TLN2: variants seen among roughly 807,000 people sequenced by gnomAD.
TLN2 encodes talin 2, also known as talin-2.
In TLN2, 118 loss-of-function variants were observed where a neutral mutation model predicts 294.7. That is an observed-to-expected ratio of 0.40 (90% CI 0.34 to 0.47). The LOEUF (loss-of-function observed/expected upper bound fraction) is 0.47. Ranked by LOEUF, TLN2 falls within the 20% of genes least tolerant of loss-of-function variation. TLN2 has a pLI of 0.84. For missense variants in TLN2, 3,083 were observed against 3,282.2 expected (o/e 0.94, Z 1.48); for synonymous variants, 1,431 against 1,304.5 (o/e 1.10, Z -2.09).
In TLN2 at chr15:62,835,782, C is replaced by A. The variant is rs1202203084; in HGVS notation, c.7174C>A (p.Gln2392Lys). 6.2e-7 allele frequency: 1 copy of A among 1,614,204 alleles called. No individual in the cohort carries two copies. Among genetic ancestry groups the A allele is most frequent in the East Asian group, 2.2e-5 (1 of 44,880 alleles). ...TGCTGCAGACGACGGACAGTGGTCA[C>A]AGGGGCTGATTTCTGCTGTGAGTTG... The part of the protein sequence containing the change: ...ANAADDGQWS[Q>K]GLISAARMVA... The change falls in exon 56 of 59, where the codon CAG becomes AAG. Residue 2392 changes from glutamine to lysine, a missense_variant. Gln to Lys is a moderately conservative substitution (Grantham distance 53). Coordinates refer to ENST00000636159, the MANE Select transcript of TLN2 (RefSeq NM_015059.3).
At chr15:62,415,847 G>C (rs2034048863) in intron 1 of TLN2, among the ~76,000 whole-genome samples, 2 of 152,346 alleles carry the variant, frequency 1.3e-5, no homozygotes, top group Non-Finnish European at 1.5e-5. Context: ...GGAGTTGTGG[G>C]GGGTAGCCCT....
intron 1 of TLN2, among the ~76,000 whole-genome samples, chr15:62,460,882 G>A (rs1489505235): frequency 6.6e-6 from 1 of 152,002 alleles, no homozygotes; most frequent in African/African-American, 2.4e-5. Context: ...TACCCCTGCT[G>A]GTGCACCGCC....
rs146710168 is a variant in TLN2, at chr15:62,805,530, T to A, written c.6478-70T>A. ...TTTTCAGACACAAGCTACAGCCTGG[T>A]TGGAGAAGAATAAATTATTTTTTTC... On this transcript the variant is annotated intron_variant, in intron 50 of 58. Coordinates refer to ENST00000636159, the MANE Select transcript of TLN2 (RefSeq NM_015059.3). 6,798 of 1,459,080 alleles carry A rather than the reference T, an allele frequency of 4.7e-3. 27 individuals are homozygous for A. The highest frequency in any genetic ancestry group is 5.5e-3 in the Non-Finnish European group (5,976 of 1,095,170). The allele number at this position is 1,459,080 out of a possible 1,614,324, so 90.4% of individuals were successfully genotyped here.
At chr15:62,753,305 C>T (rs1185414947) in intron 35 of TLN2, among the ~76,000 whole-genome samples, 3 of 152,230 alleles carry the variant, frequency 2.0e-5, no homozygotes, top group South Asian at 2.1e-4. Flanking sequence ...CGGTAAGCTA[C>T]GAGATGAGGA....
Position 62,783,970 on chromosome 15 carries a change from T to A in TLN2, c.5736+80T>A, listed in dbSNP as rs766497454. 3.1e-6 allele frequency: 5 copies of A among 1,588,670 alleles called. No homozygotes were observed. The East Asian group carries it at 1.1e-4, about 36-fold the overall frequency. ...CCTGGGTATTTCTTCATAGCTTAGC[T>A]CCACTCTGGAAGACCCCAGCCCAGT... On this transcript the variant is annotated intron_variant, in intron 45 of 58. Transcript: ENST00000636159.
chr15:62,822,576 T>C (rs966075979), intron 54 of TLN2, among the ~76,000 whole-genome samples: 3 of 152,204 alleles, frequency 2.0e-5, no homozygotes, highest in Middle Eastern at 3.2e-3. Flanking sequence ...GAGGGCTATG[T>C]ATGGCCCTGG....
intron 11 of TLN2, chr15:62,683,929 AC>A (rs1375647364): frequency 6.6e-6 from 1 of 152,232 alleles, no homozygotes; most frequent in African/African-American, 2.4e-5. Flanking sequence ...AGGTCTCTGC[AC>A]CGGGGAAGAC....
chr15:62,574,754 G>A (rs1567125003), intron 1 of TLN2, among the ~76,000 whole-genome samples: 1 of 151,960 alleles, frequency 6.6e-6, no homozygotes, highest in Non-Finnish European at 1.5e-5. Flanking sequence ...CATCAACACT[G>A]TATTATATGT....
intron 58 of TLN2, among the ~76,000 whole-genome samples, chr15:62,839,736 T>C (rs1170966263): frequency 6.6e-6 from 1 of 152,244 alleles, no homozygotes; most frequent in African/African-American, 2.4e-5. Flanking sequence ...GCCCTGTGTT[T>C]GGCTATGCAC....
At position 62,716,571 on chromosome 15, in the gene TLN2, T is replaced by C. The variant is rs570370843; in HGVS notation, c.2763+112T>C. The C allele has an allele frequency of 1.9e-5, 26 of 1,370,964 alleles. No individual in the cohort carries two copies. In the South Asian group the frequency reaches 4.4e-4, roughly 23 times the overall value. 84.9% of individuals were successfully genotyped at this position (1,370,964 alleles called of 1,614,324 possible). ...CAATATAAAGAAAGCCAAGTCAAGG[T>C]TCACATCATTGTTTGAAGGTTTGAG... On this transcript the variant is annotated intron_variant, in intron 23 of 58. Coordinates refer to ENST00000636159, the MANE Select transcript of TLN2 (RefSeq NM_015059.3).
chr15:62,840,914 G>C lies in TLN2; in HGVS notation c.*304G>C, dbSNP rs541359967. The C allele has an allele frequency of 7.9e-6, 2 of 253,034 alleles. No individual in the cohort carries two copies. Among genetic ancestry groups the C allele is most frequent in the Non-Finnish European group, 1.5e-5 (2 of 135,824 alleles). 15.7% of individuals were successfully genotyped at this position (253,034 alleles called of 1,614,324 possible). On this transcript the variant is annotated 3_prime_UTR_variant, in exon 59 of 59. Transcript: ENST00000636159. ...AACAAAGAAAAGTCAGTATTATGTT[G>C]TTCTCAGACACTTTGGCTTTTGTTG...
chr15:62,553,798 G>A (rs1214680111), intron 1 of TLN2, among the ~76,000 whole-genome samples: 3 of 152,250 alleles, frequency 2.0e-5, no homozygotes, highest in East Asian at 1.9e-4. Flanking sequence ...GTGGAAAAAT[G>A]CTTCCTTATT....
At chr15:62,756,461 C>T (rs547319496) in intron 37 of TLN2, among the ~76,000 whole-genome samples, 76 of 152,220 alleles carry the variant, frequency 5.0e-4, no homozygotes, top group South Asian at 2.9e-3. Flanking sequence ...GACAACAGAC[C>T]GCAGGCAGAA....
At position 62,701,191 on chromosome 15, in the gene TLN2, C is replaced by T. The variant is rs1175864106; in HGVS notation, c.1673C>T (p.Ala558Val). 6 of 1,614,056 alleles carry T rather than the reference C, an allele frequency of 3.7e-6. No individual in the cohort carries two copies. The highest frequency in any genetic ancestry group is 1.7e-4 in the Middle Eastern group (1 of 6,060). ...GTTGATGCTATCACGGCCGGAACGGCTTCAGTTGTTAACCTCACAGCTGGT... is the reference window on the plus strand; with the variant it reads ...GTTGATGCTATCACGGCCGGAACGGTTTCAGTTGTTAACCTCACAGCTGGT... ...SQVDAITAGT[A>V]SVVNLTAGDP... The change falls in exon 17 of 59, where the codon GCT (alanine) becomes GTT (valine). Residue 558 changes from alanine to valine, a missense_variant. By Grantham distance (64) the Ala-to-Val change is moderately conservative (BLOSUM62 0). Coordinates refer to ENST00000636159, the MANE Select transcript of TLN2 (RefSeq NM_015059.3).
intron 1 of TLN2, among the ~76,000 whole-genome samples, chr15:62,542,200 C>CT (rs542322241): frequency 1.2e-4 from 18 of 151,190 alleles, no homozygotes; most frequent in South Asian, 4.2e-4. Flanking sequence ...TTAGTATTTT[C>CT]TTTTTTTTTG....
At chr15:62,659,404 C>A (rs1039206033) in intron 9 of TLN2, among the ~76,000 whole-genome samples, 1 of 152,210 alleles carries the variant, frequency 6.6e-6, no homozygotes, top group African/African-American at 2.4e-5. Context: ...ACTGGGATTA[C>A]AAGGTGCTTT....
intron 28 of TLN2, chr15:62,734,066 T>A (rs1161946464): frequency 6.6e-6 from 1 of 152,190 alleles, no homozygotes. Context: ...CTCAAGAAGA[T>A]CCTTGATGTG....
At chr15:62,638,843 GT>G (rs1268480208) in intron 3 of TLN2, among the ~76,000 whole-genome samples, 1 of 152,128 alleles carries the variant, frequency 6.6e-6, no homozygotes, top group African/African-American at 2.4e-5. Context: ...TCTGACTGAT[GT>G]GGCATTGGTT....
At chr15:62,582,842 A>T (rs946875671) in intron 1 of TLN2, among the ~76,000 whole-genome samples, 1 of 152,176 alleles carries the variant, frequency 6.6e-6, no homozygotes, top group Non-Finnish European at 1.5e-5. Context: ...GCCACGGTAG[A>T]TCAGAGTGTA....
Sources: allele counts gnomAD v4.1 joint callset (sites outside exome capture counted in the v4.1 genomes callset), GRCh38; gene constraint gnomAD v4.1.1; transcripts MANE v1.5; gene names NCBI Gene and HGNC (gene_info 2026-07-23, HGNC 2026-07-21).